The following PTPRR variants were observed in gnomAD, a reference collection of about 807,000 sequenced individuals.
PTPRR encodes the protein protein tyrosine phosphatase receptor type R.
PTPRR carries 38 observed loss-of-function variants against 77.2 expected under a neutral mutation model. The ratio of observed to expected loss-of-function variants is 0.49; its 90% CI spans 0.38 to 0.65. The LOEUF is 0.65. Among genes scored for constraint, PTPRR ranks in the 30% least tolerant of loss-of-function variants. The pLI, the probability that PTPRR is intolerant of heterozygous loss-of-function variation, is 0.00. For missense variants in PTPRR, 744 were observed against 799.2 expected (o/e 0.93, Z 0.83); for synonymous variants, 299 against 283.1 (o/e 1.06, Z -0.57).
At chr12:70,920,255 G>T in intron 1 of PTPRR, 78 bp downstream of exon 1, 2 of 1,478,858 alleles carry the variant, frequency 1.4e-6, no homozygotes, top group Non-Finnish European at 1.9e-6. Context: ...CGCAAGGCAA[G>T]CTTTTCCTAG....
At chr12:70,756,708 A>C (rs1388032770) in intron 4 of PTPRR, among the ~76,000 whole-genome samples, 1 of 152,162 alleles carries the variant, frequency 6.6e-6, no homozygotes, top group African/African-American at 2.4e-5. Flanking sequence ...TGTATAGTTA[A>C]CAATGGCTTC....
At chr12:70,769,596 A>T (rs1455782401) in intron 2 of PTPRR, among the ~76,000 whole-genome samples, 1 of 152,174 alleles carries the variant, frequency 6.6e-6, no homozygotes, top group African/African-American at 2.4e-5. Flanking sequence ...AAGGTAATTT[A>T]TAGATTCAAT....
intron 2 of PTPRR, among the ~76,000 whole-genome samples, chr12:70,772,176 T>A (rs1267267123): frequency 2.0e-5 from 3 of 152,186 alleles, no homozygotes; most frequent in Non-Finnish European, 4.4e-5. Context: ...TTTATGCATT[T>A]CTTTTATTCT....
chr12:70,888,018 A>ATGTGTGTGTGTGGG (rs1555183050), intron 2 of PTPRR, among the ~76,000 whole-genome samples: 1 of 150,868 alleles, frequency 6.6e-6, no homozygotes, highest in Non-Finnish European at 1.5e-5. Context: ...GAATGTGTGT[A>ATGTGTGTGTGTGGG]TGTGTGTGTG....
intron 2 of PTPRR, among the ~76,000 whole-genome samples, chr12:70,789,823 C>A (rs1165453693): frequency 6.6e-6 from 1 of 151,996 alleles, no homozygotes; most frequent in Non-Finnish European, 1.5e-5. Flanking sequence ...GATTTTAAGG[C>A]AATAGGGCAG....
intron 6 of PTPRR, among the ~76,000 whole-genome samples, chr12:70,743,954 CT>C (rs1890131658): frequency 6.6e-6 from 1 of 152,100 alleles, no homozygotes; most frequent in Admixed American, 6.6e-5. Flanking sequence ...AAAAATTTGT[CT>C]TTTAATCAGT....
intron 2 of PTPRR, among the ~76,000 whole-genome samples, chr12:70,884,784 A>G (rs1163561419): frequency 2.1e-5 from 3 of 146,164 alleles, no homozygotes; most frequent in African/African-American, 7.5e-5. Flanking sequence ...AGGCCAGGGA[A>G]TGGCGTGAAC....
chr12:70,838,537 T>C (rs1159391617), intron 2 of PTPRR, among the ~76,000 whole-genome samples: 1 of 152,164 alleles, frequency 6.6e-6, no homozygotes, highest in South Asian at 2.1e-4. Context: ...GAGAAGAATC[T>C]GGGCTATTTG....
chr12:70,669,451 T>TTATA (rs34906995), intron 10 of PTPRR, among the ~76,000 whole-genome samples: 1 of 146,782 alleles, frequency 6.8e-6, no homozygotes, highest in Admixed American at 6.8e-5. Context: ...TATATGCTAT[T>TTATA]TATATATATA....
At chr12:70,650,341 C>T (rs893348410) in intron 13 of PTPRR, among the ~76,000 whole-genome samples, 3 of 152,006 alleles carry the variant, frequency 2.0e-5, no homozygotes, top group African/African-American at 7.2e-5. Flanking sequence ...GCAGGATAAT[C>T]GCTTGAACCC....
At chr12:70,885,501 A>T (rs1191645521) in intron 2 of PTPRR, among the ~76,000 whole-genome samples, 1 of 151,364 alleles carries the variant, frequency 6.6e-6, no homozygotes, top group Non-Finnish European at 1.5e-5. Context: ...ATATAGAGAG[A>T]GCAAGATTAC....
chr12:70,735,625 A>T (rs866546488), intron 6 of PTPRR, among the ~76,000 whole-genome samples: 108 of 152,216 alleles, frequency 7.1e-4, no homozygotes, highest in African/African-American at 2.5e-3. Context: ...CATCTGTATC[A>T]CCTAGAAAAA....
At chr12:70,909,752 T>C (rs1893673773) in intron 1 of PTPRR, among the ~76,000 whole-genome samples, 1 of 152,176 alleles carries the variant, frequency 6.6e-6, no homozygotes, top group Admixed American at 6.5e-5. Context: ...TGTGGATTCA[T>C]ATAGTCTGTA....
chr12:70,743,706 G>T (rs1245519388), intron 6 of PTPRR, among the ~76,000 whole-genome samples: 1 of 152,126 alleles, frequency 6.6e-6, no homozygotes, highest in Admixed American at 6.5e-5. Context: ...TTACACACTT[G>T]CTCTGCTAGA....
chr12:70,667,659 T>C (rs984043183), intron 10 of PTPRR, among the ~76,000 whole-genome samples: 5 of 152,170 alleles, frequency 3.3e-5, no homozygotes, highest in African/African-American at 1.2e-4. Flanking sequence ...ATAAGCAAAG[T>C]CCTGCATGAG....
In PTPRR at chr12:70,660,992, C is replaced by T; in HGVS notation, c.1714G>A (p.Glu572Lys). 6.2e-7 allele frequency: 1 copy of T among 1,613,896 alleles called. No individual in the cohort carries two copies. The highest frequency in any genetic ancestry group is 1.1e-5 in the South Asian group (1 of 90,954). ...CCCTGGGAAGCAAGTCTGTCTTCTT[C>T]TACATCCAGCATGAGCTGTAGGAGG... ...QPLLQLMLDV[E>K]EDRLASQGRG... is the part of the protein sequence containing the mutation. Residue 572 changes from glutamate (E) to lysine (K), a missense_variant, in exon 12 of 14, where the codon GAA becomes AAA. Transcript: ENST00000283228.
intron 2 of PTPRR, among the ~76,000 whole-genome samples, chr12:70,830,455 G>A (rs903822147): frequency 6.6e-6 from 1 of 152,188 alleles, no homozygotes; most frequent in African/African-American, 2.4e-5. Context: ...CTGTGCCTTG[G>A]CTGTTAAAGC....
At chr12:70,828,924 C>T (rs953056932) in intron 2 of PTPRR, among the ~76,000 whole-genome samples, 2 of 152,156 alleles carry the variant, frequency 1.3e-5, no homozygotes, top group African/African-American at 4.8e-5. Context: ...ACATTTACTG[C>T]AAACCTTCTA....
intron 2 of PTPRR, among the ~76,000 whole-genome samples, chr12:70,803,924 T>C (rs544300296): frequency 2.0e-4 from 31 of 152,090 alleles, no homozygotes; most frequent in Non-Finnish European, 4.1e-4. Flanking sequence ...TGTGTGTGTA[T>C]TTATGTATTC....
Sources: allele counts gnomAD v4.1 joint callset (sites outside exome capture counted in the v4.1 genomes callset), GRCh38; gene constraint gnomAD v4.1.1; transcripts MANE v1.5; gene names NCBI Gene and HGNC (gene_info 2026-07-23, HGNC 2026-07-21).